C17orf78: variants seen among roughly 807,000 people sequenced by gnomAD.
The protein encoded by C17orf78 is chromosome 17 open reading frame 78.
A neutral mutation model predicts 31.8 loss-of-function variants in C17orf78; 27 were observed. That is an observed-to-expected ratio of 0.85 (90% CI 0.63 to 1.17). The LOEUF is 1.17. Ranked by LOEUF, C17orf78 falls within the 50% of genes most tolerant of loss-of-function variation. The pLI, the probability that C17orf78 is intolerant of heterozygous loss-of-function variation, is 0.00. For missense variants in C17orf78, 258 were observed against 315.2 expected (o/e 0.82, Z 1.37); for synonymous variants, 106 against 115.1 (o/e 0.92, Z 0.51).
intron 3 of C17orf78, among the ~76,000 whole-genome samples, chr17:37,384,425 C>T (rs575240505): frequency 6.6e-6 from 1 of 151,996 alleles, no homozygotes; most frequent in South Asian, 2.1e-4. Flanking sequence ...CTTTTTCCCC[C>T]TCTTTCAATC....
chr17:37,377,641 C>A (rs1478305804), intron 1 of C17orf78, among the ~76,000 whole-genome samples: 2 of 150,554 alleles, frequency 1.3e-5, no homozygotes, highest in Non-Finnish European at 2.9e-5. Context: ...TCCTGGGCGA[C>A]AGAGTGAGAC....
intron 3 of C17orf78, 59 bp from the exon 4 acceptor site, chr17:37,385,950 A>C: frequency 8.3e-7 from 1 of 1,204,114 alleles, no homozygotes; most frequent in Non-Finnish European, 1.2e-6. Context: ...CATCAGATAA[A>C]ACCAAAGGCA....
At position 37,386,085 on chromosome 17, in the gene C17orf78, A is replaced by G. The variant is rs374420402; in HGVS notation, c.468A>G (p.Ile156Met). 56 of 1,599,212 alleles carry G rather than the reference A, an allele frequency of 3.5e-5. No individual in the cohort carries two copies. The African/African-American group carries it at 6.3e-4, about 18-fold the overall frequency. ...SETFPTTAPS[I>M]TPGNKEGEKT... ...CTTTTCCCACCACTGCCCCTTCTAT[A>G]ACTCCTGGGAATAAAGAAGGAGAGA... is the stretch of plus-strand genomic sequence containing the variant. The change falls in exon 4 of 7, where the codon ATA becomes ATG. Residue 156 changes from isoleucine to methionine, a missense_variant. By Grantham distance (10) the Ile-to-Met change is conservative (BLOSUM62 1). Transcript: ENST00000615133.
chr17:37,382,589 C>G (rs903072624), intron 3 of C17orf78, among the ~76,000 whole-genome samples: 4 of 152,076 alleles, frequency 2.6e-5, no homozygotes, highest in Non-Finnish European at 5.9e-5. Flanking sequence ...GCGTCAGGTG[C>G]GGTGGCTCAC....
At chr17:37,383,192 T>C (rs1363019881) in intron 3 of C17orf78, among the ~76,000 whole-genome samples, 1 of 152,192 alleles carries the variant, frequency 6.6e-6, no homozygotes, top group African/African-American at 2.4e-5. Flanking sequence ...TTTTGGAGTT[T>C]GGAGCACTCT....
intron 5 of C17orf78, 121 bp downstream of exon 5, chr17:37,388,915 A>AGCTAGTGAGTGTGAGTGG: frequency 7.7e-7 from 1 of 1,298,546 alleles, no homozygotes; most frequent in Non-Finnish European, 1.1e-6. Context: ...TGTGCCACTC[A>AGCTAGTGAGTGTGAGTGG]CACTCACTAG....
At chr17:37,380,074 A>G (rs1286148267) in intron 3 of C17orf78, among the ~76,000 whole-genome samples, 3 of 151,916 alleles carry the variant, frequency 2.0e-5, no homozygotes, top group Admixed American at 6.6e-5. Flanking sequence ...GCACATATAC[A>G]CCATGGAATA....
chr17:37,375,990 T>C lies in C17orf78; in HGVS notation c.-103T>C. The C allele has an allele frequency of 1.1e-6, 1 of 925,624 alleles. No individual in the cohort carries two copies. The highest frequency in any genetic ancestry group is 1.7e-6 in the Non-Finnish European group (1 of 575,816). 57.3% of individuals were successfully genotyped at this position (925,624 alleles called of 1,614,324 possible). On this transcript the variant is annotated 5_prime_UTR_variant, in exon 1 of 7. Transcript: ENST00000615133. ...GAATCAGAGTCTCTCAGGGTCAAAC[T>C]TGGTTCCAGCTGCGTGTGGTGAAAG...
In C17orf78 at chr17:37,388,737, C is replaced by G; in HGVS notation, c.576C>G (p.Thr192=). The G allele has an allele frequency of 6.2e-7, 1 of 1,612,570 alleles. No individual in the cohort carries two copies. The highest frequency in any genetic ancestry group is 8.5e-7 in the Non-Finnish European group (1 of 1,179,072). ...TGGTCAAAATTCTGATTGCTGTCAC[C>G]CTGTTGCTCAGTGGAGTTGCCATTA... ...SIVVKILIAV[T]LLLSGVAIIV... is the part of the protein sequence containing the mutation. The change falls in exon 5 of 7, where the codon ACC becomes ACG. Residue 192 remains threonine, a synonymous_variant. Transcript: ENST00000615133.
rs1189282761 is a variant in C17orf78, at chr17:37,376,096, G to T, written c.4G>T (p.Asp2Tyr). The change falls in exon 1 of 7, where the codon GAT becomes TAT. Residue 2 changes from aspartate (D) to tyrosine (Y), a missense_variant. Transcript: ENST00000615133. M[D>Y]TILVFSLIIA... Reference sequence around the variant, plus strand: ...ATGAGCATGTGCTCAAGCTAACATGGATACCATCTTGGTCTTCAGCCTAAT... The same window carrying T: ...ATGAGCATGTGCTCAAGCTAACATGTATACCATCTTGGTCTTCAGCCTAAT... 1 of 1,612,444 alleles carries T rather than the reference G, an allele frequency of 6.2e-7. No individual in the cohort carries two copies. Among genetic ancestry groups the T allele is most frequent in the Admixed American group, 1.7e-5 (1 of 60,016 alleles).
rs2050140224 is a variant in C17orf78 at position 37,379,264 on chromosome 17, G to A, written c.273G>A (p.Lys91=). 1 of 1,614,010 alleles carries A rather than the reference G, an allele frequency of 6.2e-7. No individual in the cohort carries two copies. Among genetic ancestry groups the A allele is most frequent in the Non-Finnish European group, 8.5e-7 (1 of 1,179,892 alleles). Residue 91 remains lysine (K), a synonymous_variant, in exon 3 of 7, where the codon AAG becomes AAA. Coordinates refer to ENST00000615133, the MANE Select transcript of C17orf78 (RefSeq NM_173625.5). The part of the protein sequence containing the change: ...LVYLERRPKV[K]HILKNLRIIA... Reference sequence around the variant, plus strand: ...ATTTGGAGAGAAGGCCAAAGGTCAAGCATATTTTGAAGAACCTGAGAATCA... The same window carrying A: ...ATTTGGAGAGAAGGCCAAAGGTCAAACATATTTTGAAGAACCTGAGAATCA...
rs183637087 is a variant in C17orf78, at chr17:37,379,321, C to T, written c.330C>T (p.Ser110=). ...CTCCCCGCAGAAACAGCTCTGCCTC[C>T]TCAAGCTGTCACCTAATCCCCACAT... is the stretch of plus-strand genomic sequence containing the variant. The part of the protein sequence containing the change: ...IAAPRRNSSA[S]SSCHLIPTSK... The change falls in exon 3 of 7, where the codon TCC becomes TCT. Residue 110 remains serine, a synonymous_variant. Transcript: ENST00000615133. The T allele has an allele frequency of 2.9e-4, 474 of 1,613,960 alleles. No homozygotes were observed. The African/African-American group carries it at 5.8e-3, about 20-fold the overall frequency.
chr17:37,388,657 C>T lies in C17orf78; in HGVS notation c.509-13C>T, dbSNP rs1221225696. 6.2e-7 allele frequency: 1 copy of T among 1,610,554 alleles called. No individual in the cohort carries two copies. Among genetic ancestry groups the T allele is most frequent in the Non-Finnish European group, 8.5e-7 (1 of 1,177,834 alleles). ...TTTCTTTTCTCCCTCTTCCACTCCCCTCTCTCCTTTAGACACAGATGAGAA... is the reference window on the plus strand; with the variant it reads ...TTTCTTTTCTCCCTCTTCCACTCCCTTCTCTCCTTTAGACACAGATGAGAA... On this transcript the variant is annotated splice_polypyrimidine_tract_variant and intron_variant, in intron 4 of 6. Transcript: ENST00000615133.
intron 4 of C17orf78, among the ~76,000 whole-genome samples, chr17:37,386,421 G>A (rs544197278): frequency 2.0e-5 from 3 of 152,120 alleles, no homozygotes; most frequent in South Asian, 2.1e-4. Flanking sequence ...GTGAAAACCC[G>A]CCTCTACTAA....
At position 37,386,052 on chromosome 17, in the gene C17orf78, A is replaced by G; in HGVS notation, c.435A>G (p.Ser145=). 1 of 1,606,302 alleles carries G rather than the reference A, an allele frequency of 6.2e-7. No homozygotes were observed. Among genetic ancestry groups the G allele is most frequent in the Non-Finnish European group, 8.5e-7 (1 of 1,174,264 alleles). Residue 145 remains serine, a synonymous_variant, in exon 4 of 7, where the codon TCA becomes TCG. Coordinates refer to ENST00000615133, the MANE Select transcript of C17orf78 (RefSeq NM_173625.5). ...GISQCKVLGA[S]SETFPTTAPS... ...CACAATGTAAAGTCCTGGGGGCTTC[A>G]TCAGAGACTTTTCCCACCACTGCCC...
At chr17:37,383,672 C>T (rs1448325261) in intron 3 of C17orf78, among the ~76,000 whole-genome samples, 1 of 152,150 alleles carries the variant, frequency 6.6e-6, no homozygotes, top group Admixed American at 6.5e-5. Flanking sequence ...TTCAGCCTCT[C>T]GAGTAGCTGG....
chr17:37,379,072 A>G, intron 2 of C17orf78, 65 bp from the exon 3 acceptor site: 17 of 1,520,348 alleles, frequency 1.1e-5, no homozygotes, highest in Non-Finnish European at 1.5e-5. Context: ...GCACCGTCTC[A>G]AAAAAACCAA....
At chr17:37,391,345 A>C (rs572811051) in intron 6 of C17orf78, among the ~76,000 whole-genome samples, 1 of 152,344 alleles carries the variant, frequency 6.6e-6, no homozygotes, top group South Asian at 2.1e-4. Flanking sequence ...ACTCATACTT[A>C]AGTTGAGGCT....
At chr17:37,390,192 TATAA>T (rs2050748591) in intron 6 of C17orf78, among the ~76,000 whole-genome samples, 1 of 73,722 alleles carries the variant, frequency 1.4e-5, no homozygotes, top group Non-Finnish European at 2.3e-5. Flanking sequence ...ACACATTATA[TATAA>T]ATATATATAA....
Sources: gnomAD v4.1 joint callset for allele counts (sites outside exome capture counted in the v4.1 genomes callset) on GRCh38, gnomAD v4.1.1 for gene constraint, MANE v1.5 for transcripts, NCBI Gene and HGNC (gene_info 2026-07-23, HGNC 2026-07-21) for gene names.